ERC1: variants seen among roughly 807,000 people sequenced by gnomAD.
ERC1 encodes the protein RAB6 interacting protein 2.
In ERC1, 56 loss-of-function variants were observed where a neutral mutation model predicts 132.0. The ratio of observed to expected loss-of-function variants is 0.42; its 90% CI spans 0.34 to 0.53. The LOEUF is 0.53. Ranked by LOEUF, ERC1 falls within the 20% of genes least tolerant of loss-of-function variation. ERC1 has a pLI of 0.03. For synonymous variants in ERC1, 478 were observed against 476.1 expected (o/e 1.00, Z -0.05); for missense variants, 1,202 against 1,349.9 (o/e 0.89, Z 1.72).
chr12:1,329,293 CAAA>C (rs537261329), intron 15 of ERC1, among the ~76,000 whole-genome samples: 2 of 83,426 alleles, frequency 2.4e-5, no homozygotes, highest in Admixed American at 1.3e-4. Context: ...GACTCTGAAT[CAAA>C]AAAAAAAAAA....
At chr12:1,394,577 G>A (rs1219209482) in intron 16 of ERC1, among the ~76,000 whole-genome samples, 1 of 152,084 alleles carries the variant, frequency 6.6e-6, no homozygotes, top group African/African-American at 2.4e-5. Flanking sequence ...TTGGATGGGG[G>A]CAGCATTCCT....
At chr12:1,348,692 TAA>T (rs79204701) in intron 15 of ERC1, among the ~76,000 whole-genome samples, 14 of 138,966 alleles carry the variant, frequency 1.0e-4, no homozygotes, top group Admixed American at 7.2e-5. Flanking sequence ...AGACTCCATC[TAA>T]AAAAAAAAAA....
intron 15 of ERC1, 142 bp downstream of exon 15, chr12:1,290,154 A>G (rs945954509): frequency 2.9e-6 from 2 of 700,054 alleles, no homozygotes; most frequent in Non-Finnish European, 4.7e-6. Flanking sequence ...TCTCTAGAAT[A>G]AATTTGGTCA....
intron 2 of ERC1, among the ~76,000 whole-genome samples, chr12:1,080,253 T>C (rs988232584): frequency 6.6e-5 from 10 of 152,210 alleles, no homozygotes; most frequent in Non-Finnish European, 4.4e-5. Context: ...AGACTGAAAC[T>C]GTATACCCAT....
chr12:1,128,111 C>T (rs1948398809), intron 7 of ERC1, among the ~76,000 whole-genome samples: 1 of 151,664 alleles, frequency 6.6e-6, no homozygotes, highest in Non-Finnish European at 1.5e-5. Context: ...TGTAGATTCC[C>T]ACAGGTAAAA....
At chr12:1,438,954 AAT>A (rs1555093207) in intron 17 of ERC1, among the ~76,000 whole-genome samples, 190 of 143,574 alleles carry the variant, frequency 1.3e-3, no homozygotes, top group Admixed American at 2.5e-3. Flanking sequence ...TTTAAAAAAA[AAT>A]ATATATATAT....
Position 1,491,714 on chromosome 12 carries a change from A to G in ERC1, c.*1484A>G, listed in dbSNP as rs2094320369. On this transcript the variant is annotated 3_prime_UTR_variant, in exon 19 of 19. Coordinates refer to ENST00000360905, the MANE Select transcript of ERC1 (RefSeq NM_178040.4). ...TACTTGTGGGTGGCCATTTCCTGAC[A>G]TCTGCATGTACCTCGTGGAATTCAG... 4.3e-6 allele frequency: 1 copy of G among 230,934 alleles called. No homozygotes were observed. The highest frequency in any genetic ancestry group is 2.2e-5 in the African/African-American group (1 of 45,288). 14.3% of individuals were successfully genotyped at this position (230,934 alleles called of 1,614,324 possible). A position where few individuals can be genotyped will look rare whatever the true frequency, so the allele number is the denominator to read the frequency against.
chr12:1,315,930 C>CG (rs2081670517), intron 15 of ERC1, among the ~76,000 whole-genome samples: 1 of 151,510 alleles, frequency 6.6e-6, no homozygotes. Context: ...CTCACTCTGT[C>CG]GCCCAGGCTG....
chr12:1,024,599 A>G (rs1213992302), intron 1 of ERC1, among the ~76,000 whole-genome samples: 4 of 152,196 alleles, frequency 2.6e-5, no homozygotes, highest in Non-Finnish European at 5.9e-5. Flanking sequence ...ATCAATTTAC[A>G]TAACAATGGA....
At chr12:1,218,844 A>C (rs917680111) in intron 12 of ERC1, among the ~76,000 whole-genome samples, 4 of 151,592 alleles carry the variant, frequency 2.6e-5, no homozygotes, top group Non-Finnish European at 5.9e-5. Flanking sequence ...ACACACACAC[A>C]CACACACACA....
intron 8 of ERC1, among the ~76,000 whole-genome samples, chr12:1,168,037 G>A (rs1242533063): frequency 4.6e-5 from 7 of 152,086 alleles, no homozygotes; most frequent in South Asian, 2.1e-4. Flanking sequence ...CTTATATACA[G>A]TGCATATAGG....
chr12:1,157,874 T>G (rs1951547336), intron 8 of ERC1, among the ~76,000 whole-genome samples: 1 of 152,236 alleles, frequency 6.6e-6, no homozygotes, highest in Admixed American at 6.5e-5. Flanking sequence ...AAGATTAGAC[T>G]TGTTCAATAT....
chr12:1,387,407 A>G (rs570874125), intron 16 of ERC1, among the ~76,000 whole-genome samples: 42 of 152,238 alleles, frequency 2.8e-4, no homozygotes, highest in Admixed American at 7.2e-4. Flanking sequence ...CCCTCCCCAA[A>G]CTTATAGCCC....
At chr12:1,361,416 C>T (rs1591533929) in intron 15 of ERC1, among the ~76,000 whole-genome samples, 1 of 151,334 alleles carries the variant, frequency 6.6e-6, no homozygotes, top group Admixed American at 6.6e-5. Flanking sequence ...AATAATTAAA[C>T]ATAAAAAAAT....
At chr12:1,197,126 A>G (rs1956409593) in intron 12 of ERC1, among the ~76,000 whole-genome samples, 1 of 151,546 alleles carries the variant, frequency 6.6e-6, no homozygotes, top group Admixed American at 6.6e-5. Context: ...GAATACAGGC[A>G]TACACCACCA....
intron 15 of ERC1, among the ~76,000 whole-genome samples, chr12:1,328,899 TGGGGAGG>T (rs1168027405): frequency 8.3e-6 from 1 of 120,514 alleles, no homozygotes; most frequent in Non-Finnish European, 1.7e-5. Context: ...CCTCTGTTCT[TGGGGAGG>T]GAGGGTCCTT....
chr12:1,360,844 A>T (rs2086021196), intron 15 of ERC1, among the ~76,000 whole-genome samples: 1 of 152,134 alleles, frequency 6.6e-6, no homozygotes, highest in Non-Finnish European at 1.5e-5. Context: ...GCACTTTGGG[A>T]GGCCAAAGTG....
rs1322998209 is a variant in ERC1 at position 1,493,427 on chromosome 12, C to T, written c.*3197C>T. 1 of 163,654 alleles carries T rather than the reference C, an allele frequency of 6.1e-6. No homozygotes were observed. The highest frequency in any genetic ancestry group is 1.3e-4 in the East Asian group (1 of 7,964). The allele number at this position is 163,654 out of a possible 1,614,324, so 10.1% of individuals were successfully genotyped here. Reference sequence around the variant, plus strand: ...GCGTGGTGGCGTACGCCTGTAATCCCAGCTACTCAGGAGGCAGGAGAATCG... The same window carrying T: ...GCGTGGTGGCGTACGCCTGTAATCCTAGCTACTCAGGAGGCAGGAGAATCG... On this transcript the variant is annotated 3_prime_UTR_variant, in exon 19 of 19. Transcript: ENST00000360905.
intron 13 of ERC1, among the ~76,000 whole-genome samples, chr12:1,243,790 G>A (rs1779914795): frequency 1.3e-5 from 2 of 152,134 alleles, no homozygotes; most frequent in South Asian, 4.1e-4. Context: ...GAATTTCTCG[G>A]CCCACACTGC....
Sources: allele counts gnomAD v4.1 joint callset (sites outside exome capture counted in the v4.1 genomes callset), GRCh38; gene constraint gnomAD v4.1.1; transcripts MANE v1.5; gene names NCBI Gene and HGNC (gene_info 2026-07-23, HGNC 2026-07-21).